Variants in CRTAC1 observed in about 807,000 individuals in gnomAD.
CRTAC1 encodes acidic secreted protein in cartilage.
CRTAC1 carries 37 observed loss-of-function variants against 67.8 expected under a neutral mutation model. That is an observed-to-expected ratio of 0.55 (90% CI 0.42 to 0.72). CRTAC1 has a LOEUF of 0.72. CRTAC1 is among the 30% of genes least tolerant of loss of function. The probability of loss-of-function intolerance (pLI) is 0.00; values close to 1 mark genes in which losing one functional copy is unlikely to be tolerated. For synonymous variants in CRTAC1, 348 were observed against 371.0 expected, an observed-to-expected ratio of 0.94 and a Z score of 0.71; for missense variants, 780 against 931.6, an observed-to-expected ratio of 0.84 and a Z score of 2.12.
At chr10:98,006,587 A>G (rs1455575218) in intron 2 of CRTAC1, among the ~76,000 whole-genome samples, 1 of 152,206 alleles carries the variant, frequency 6.6e-6, no homozygotes, top group Non-Finnish European at 1.5e-5. Context: ...GCTCAAAATC[A>G]ATGCTGTCAA....
chr10:97,889,285 T>G (rs2050330671), intron 11 of CRTAC1, among the ~76,000 whole-genome samples: 1 of 144,646 alleles, frequency 6.9e-6, no homozygotes, highest in African/African-American at 2.6e-5. Context: ...AGCTGGGAAG[T>G]GGAGGGTGGG....
chr10:97,922,938 G>A (rs757028399), intron 4 of CRTAC1, among the ~76,000 whole-genome samples: 1 of 152,184 alleles, frequency 6.6e-6, no homozygotes, highest in East Asian at 1.9e-4. Context: ...GAAGAGGTGG[G>A]TTCATGTCCT....
intron 7 of CRTAC1, among the ~76,000 whole-genome samples, chr10:97,904,262 C>A (rs1015519563): frequency 6.6e-6 from 1 of 152,078 alleles, no homozygotes; most frequent in African/African-American, 2.4e-5. Context: ...CCTGGTGTAA[C>A]CTTCCTTGTC....
At chr10:97,939,041 C>G (rs61875762) in intron 2 of CRTAC1, among the ~76,000 whole-genome samples, 23,718 of 152,200 alleles carry the variant, frequency 0.16, 2,129 homozygotes, top group South Asian at 0.23. Context: ...AGCAGGTGCT[C>G]CCTGCCCCAG....
At position 97,925,903 on chromosome 10, in the gene CRTAC1, G is replaced by A. The variant is rs576556266; in HGVS notation, c.422-2503C>T. 2.5e-4 allele frequency among the ~76,000 whole-genome samples: 38 copies of A among 152,234 alleles called. No homozygotes were observed. The South Asian group carries it at 7.7e-3, about 31-fold the overall frequency. Reference sequence around the variant, plus strand: ...CCCTCAGGTGGCTCCACCCAGGAGAGGACAAAAGGGTTGGTCTCTGAGGGG... The same window carrying A: ...CCCTCAGGTGGCTCCACCCAGGAGAAGACAAAAGGGTTGGTCTCTGAGGGG... On this transcript the variant is annotated intron_variant, in intron 3 of 14. Transcript: ENST00000370597.
intron 9 of CRTAC1, among the ~76,000 whole-genome samples, chr10:97,896,307 G>GTT (rs146219221): frequency 4.0e-5 from 6 of 151,598 alleles, no homozygotes; most frequent in Non-Finnish European, 7.4e-5. Flanking sequence ...ATTTGCACAG[G>GTT]TTTTTTTTTG....
chr10:97,965,718 A>T (rs1297741601), intron 2 of CRTAC1, among the ~76,000 whole-genome samples: 2 of 152,184 alleles, frequency 1.3e-5, no homozygotes, highest in African/African-American at 4.8e-5. Context: ...TAATAGAGAC[A>T]TGTGTAATGA....
intron 2 of CRTAC1, among the ~76,000 whole-genome samples, chr10:97,959,120 A>G (rs2051484731): frequency 6.6e-6 from 1 of 152,214 alleles, no homozygotes; most frequent in Non-Finnish European, 1.5e-5. Context: ...AGTTACCAGT[A>G]ATAAGTAAAT....
chr10:98,007,271 A>C (rs566723561), intron 2 of CRTAC1, among the ~76,000 whole-genome samples: 18 of 152,310 alleles, frequency 1.2e-4, no homozygotes, highest in Admixed American at 1.0e-3. Flanking sequence ...GTGTGGTCTT[A>C]TTGTAAGGCA....
At chr10:98,024,795 CCACACACACA>C (rs112213274) in intron 1 of CRTAC1, among the ~76,000 whole-genome samples, 9 of 118,536 alleles carry the variant, frequency 7.6e-5, no homozygotes, top group African/African-American at 1.3e-4. Context: ...CACCTCTCCA[CCACACACACA>C]CACACACACA....
At chr10:97,994,135 G>C (rs537062293) in intron 2 of CRTAC1, among the ~76,000 whole-genome samples, 75 of 152,266 alleles carry the variant, frequency 4.9e-4, no homozygotes, top group African/African-American at 1.8e-3. Context: ...AGGATTACAG[G>C]CATGAGCCAC....
chr10:97,943,032 AC>A (rs768775655), intron 2 of CRTAC1, among the ~76,000 whole-genome samples: 75 of 152,172 alleles, frequency 4.9e-4, no homozygotes, highest in Non-Finnish European at 6.5e-4. Flanking sequence ...TGATCATGCC[AC>A]TGCACTCCAG....
chr10:98,010,871 C>T (rs530877998), intron 2 of CRTAC1, among the ~76,000 whole-genome samples: 377 of 152,252 alleles, frequency 2.5e-3, no homozygotes, highest in Non-Finnish European at 4.5e-3. Flanking sequence ...CAGAGCATTC[C>T]AGTTTTCTCC....
chr10:98,025,936 G>A (rs1406633981), intron 1 of CRTAC1, among the ~76,000 whole-genome samples: 1 of 152,216 alleles, frequency 6.6e-6, no homozygotes, highest in Non-Finnish European at 1.5e-5. Flanking sequence ...CTGAGGTGGG[G>A]CAGGGAAAGA....
At chr10:97,870,362 A>G (rs1242718786) in intron 14 of CRTAC1, 1 of 152,186 alleles carries the variant, frequency 6.6e-6, no homozygotes, top group Middle Eastern at 3.2e-3. Context: ...ATGCATATGC[A>G]CCATGTGATT....
At chr10:97,957,125 T>A (rs2051453369) in intron 2 of CRTAC1, among the ~76,000 whole-genome samples, 1 of 152,112 alleles carries the variant, frequency 6.6e-6, no homozygotes. Context: ...AGGGCACTTA[T>A]GTTAAGAGAA....
chr10:97,923,375 C>T lies in CRTAC1; in HGVS notation c.447G>A (p.Leu149=), dbSNP rs1484252986. ...CCCACCGGTTATTGCGGAACTTGAA[C>T]AACTTGTCGGTGTACGTGGCCACCC... ...FSGVATYTDK[L]FKFRNNRWED... is the part of the protein sequence containing the mutation. Residue 149 remains leucine (L), a synonymous_variant, in exon 4 of 15, where the codon TTG becomes TTA. Coordinates refer to ENST00000370597, the MANE Select transcript of CRTAC1 (RefSeq NM_018058.7). 1 of 1,614,138 alleles carries T rather than the reference C, an allele frequency of 6.2e-7. No individual in the cohort carries two copies. Among genetic ancestry groups the T allele is most frequent in the Non-Finnish European group, 8.5e-7 (1 of 1,180,028 alleles).
intron 5 of CRTAC1, among the ~76,000 whole-genome samples, chr10:97,911,617 C>T (rs1436166532): frequency 6.6e-6 from 1 of 152,226 alleles, no homozygotes; most frequent in Non-Finnish European, 1.5e-5. Context: ...CAGGTACCTG[C>T]ACCCCTCACT....
chr10:97,887,230 T>G (rs776913176), intron 11 of CRTAC1, among the ~76,000 whole-genome samples: 195 of 132,370 alleles, frequency 1.5e-3, no homozygotes, highest in Non-Finnish European at 2.7e-3. Context: ...CACTTAGGTT[T>G]TTTTTTTTTT....
Sources: gnomAD v4.1 joint callset for allele counts (sites outside exome capture counted in the v4.1 genomes callset) on GRCh38, gnomAD v4.1.1 for gene constraint, MANE v1.5 for transcripts, NCBI Gene and HGNC (gene_info 2026-07-23, HGNC 2026-07-21) for gene names.